The following EIF4EBP2 variants were observed in gnomAD, a reference collection of about 807,000 sequenced individuals.
EIF4EBP2 encodes the protein eukaryotic translation initiation factor 4E binding protein 2.
In EIF4EBP2, 5 loss-of-function variants were observed where a neutral mutation model predicts 10.3. The ratio of observed to expected loss-of-function variants is 0.48; its 90% CI spans 0.25 to 1.02. The LOEUF is 1.02. Ranked by LOEUF, EIF4EBP2 falls within the 50% of genes least tolerant of loss-of-function variation. The pLI is 0.15. For missense variants in EIF4EBP2, 188 were observed against 162.2 expected (o/e 1.16, Z -0.86); for synonymous variants, 67 against 61.1 (o/e 1.10, Z -0.45).
At chr10:70,410,812 T>C (rs1024765424) in intron 1 of EIF4EBP2, among the ~76,000 whole-genome samples, 1 of 152,238 alleles carries the variant, frequency 6.6e-6, no homozygotes, top group African/African-American at 2.4e-5. Flanking sequence ...GTTTCTCATC[T>C]TTTGGTGGGC....
In EIF4EBP2 at chr10:70,404,259, G is replaced by C. The variant is rs1844944252; in HGVS notation, c.-143G>C. 2.8e-6 allele frequency: 3 copies of C among 1,084,982 alleles called. No individual in the cohort carries two copies. Among genetic ancestry groups the C allele is most frequent in the Non-Finnish European group, 3.7e-6 (3 of 820,454 alleles). The allele number at this position is 1,084,982 out of a possible 1,614,324, so 67.2% of individuals were successfully genotyped here. A position where few individuals can be genotyped will look rare whatever the true frequency, so the allele number is the denominator to read the frequency against. On this transcript the variant is annotated 5_prime_UTR_variant, in exon 1 of 3. Coordinates refer to ENST00000373218, the MANE Select transcript of EIF4EBP2 (RefSeq NM_004096.5). ...GGCGGCTGAGAGGGCGGCGGCGGGA[G>C]CGGAGCGGGACGAGGGAACGGGAGG... is the stretch of plus-strand genomic sequence containing the variant.
At chr10:70,404,697 CCTTTA>C (rs1248387270) in intron 1 of EIF4EBP2, 151 bp downstream of exon 1, 10 of 1,075,498 alleles carry the variant, frequency 9.3e-6, no homozygotes, top group Admixed American at 4.0e-5. Context: ...CGTTCGGGAC[CCTTTA>C]CTTCGTGTTC....
At chr10:70,420,791 C>CTTTTG (rs759923596) in intron 2 of EIF4EBP2, among the ~76,000 whole-genome samples, 3 of 151,968 alleles carry the variant, frequency 2.0e-5, no homozygotes, top group Non-Finnish European at 2.9e-5. Context: ...GACCTTGTTT[C>CTTTTG]TTTTGTTTTG....
Position 70,404,270 on chromosome 10 carries a change from C to A in EIF4EBP2, c.-132C>A. 4.2e-6 allele frequency: 5 copies of A among 1,192,214 alleles called. No homozygotes were observed. In the South Asian group the frequency reaches 7.2e-5, roughly 17 times the overall value. 73.9% of individuals were successfully genotyped at this position (1,192,214 alleles called of 1,614,324 possible). A position where few individuals can be genotyped will look rare whatever the true frequency, so the allele number is the denominator to read the frequency against. On this transcript the variant is annotated 5_prime_UTR_variant, in exon 1 of 3. Coordinates refer to ENST00000373218, the MANE Select transcript of EIF4EBP2 (RefSeq NM_004096.5). ...GGGCGGCGGCGGGAGCGGAGCGGGA[C>A]GAGGGAACGGGAGGAAGCGAGCGAG... is the stretch of plus-strand genomic sequence containing the variant.
At chr10:70,420,818 G>A (rs373986310) in intron 2 of EIF4EBP2, among the ~76,000 whole-genome samples, 6 of 152,066 alleles carry the variant, frequency 3.9e-5, no homozygotes, top group East Asian at 1.9e-4. Context: ...TTTTTGAGAC[G>A]GAGTCTTGCT....
chr10:70,408,461 G>A (rs1845007150), intron 1 of EIF4EBP2, among the ~76,000 whole-genome samples: 3 of 152,226 alleles, frequency 2.0e-5, no homozygotes, highest in Admixed American at 6.5e-5. Flanking sequence ...ATCTTTATAA[G>A]GACATGGTGC....
chr10:70,411,435 A>C (rs1341388814), intron 1 of EIF4EBP2, among the ~76,000 whole-genome samples: 1 of 152,064 alleles, frequency 6.6e-6, no homozygotes, highest in Non-Finnish European at 1.5e-5. Flanking sequence ...GAAAGCAACA[A>C]AGTTGTAAAA....
At position 70,404,449 on chromosome 10, in the gene EIF4EBP2, C is replaced by T. The variant is rs1159895391; in HGVS notation, c.48C>T (p.Ala16=). 1.9e-6 allele frequency: 3 copies of T among 1,596,176 alleles called. No homozygotes were observed. The highest frequency in any genetic ancestry group is 2.6e-6 in the Non-Finnish European group (3 of 1,174,020). Reference sequence around the variant, plus strand: ...GCCACCAGCCCAGCCAGAGCCGCGCCATCCCCACCCGCACCGTGGCCATCA... The same window carrying T: ...GCCACCAGCCCAGCCAGAGCCGCGCTATCCCCACCCGCACCGTGGCCATCA... ...GSGHQPSQSR[A]IPTRTVAISD... Residue 16 remains alanine, a synonymous_variant, in exon 1 of 3, where the codon GCC becomes GCT. Transcript: ENST00000373218.
In EIF4EBP2 at chr10:70,404,561, G is replaced by C; in HGVS notation, c.145+15G>C. On this transcript the variant is annotated intron_variant, in intron 1 of 2. Coordinates refer to ENST00000373218, the MANE Select transcript of EIF4EBP2 (RefSeq NM_004096.5). The stretch of plus-strand genomic sequence containing the variant: ...CACACCGGGAGGTGAGCGCCGGCCA[G>C]CCGTCCGCCGCGCCCGGTGTCCCGC... 1.3e-6 allele frequency: 2 copies of C among 1,527,612 alleles called. No homozygotes were observed. The highest frequency in any genetic ancestry group is 2.9e-5 in the African/African-American group (2 of 69,320). The allele number at this position is 1,527,612 out of a possible 1,614,324, so 94.6% of individuals were successfully genotyped here.
intron 1 of EIF4EBP2, among the ~76,000 whole-genome samples, chr10:70,408,025 C>T (rs1422958086): frequency 3.2e-4 from 10 of 31,532 alleles, no homozygotes; most frequent in East Asian, 1.1e-3. Context: ...GCTGGCCGGG[C>T]GGGGGGCTGA....
rs951308911 is a variant in EIF4EBP2, at chr10:70,425,791, C to G, written c.*4044C>G. 1 of 152,168 alleles carries G rather than the reference C, an allele frequency of 6.6e-6. No homozygotes were observed. The highest frequency in any genetic ancestry group is 1.5e-5 in the Non-Finnish European group (1 of 68,050). 9.4% of individuals were successfully genotyped at this position (152,168 alleles called of 1,614,324 possible). A position where few individuals can be genotyped will look rare whatever the true frequency, so the allele number is the denominator to read the frequency against. On this transcript the variant is annotated 3_prime_UTR_variant, in exon 3 of 3. Coordinates refer to ENST00000373218, the MANE Select transcript of EIF4EBP2 (RefSeq NM_004096.5). ...CTGTCTTATTTGGAATGGGGATTGT[C>G]CAGCAAAGGGAGCAAACATGAATTA...
chr10:70,406,556 C>A (rs982013571), intron 1 of EIF4EBP2, among the ~76,000 whole-genome samples: 1 of 150,744 alleles, frequency 6.6e-6, no homozygotes, highest in Non-Finnish European at 1.5e-5. Flanking sequence ...AGGGAAGAGC[C>A]ACCTAGACAC....
chr10:70,412,190 A>G (rs1417314001), intron 1 of EIF4EBP2, among the ~76,000 whole-genome samples: 3 of 152,132 alleles, frequency 2.0e-5, no homozygotes, highest in Non-Finnish European at 4.4e-5. Flanking sequence ...AAGTCCCAGG[A>G]GGAAAGCCCT....
At chr10:70,405,148 G>C (rs1200279034) in intron 1 of EIF4EBP2, among the ~76,000 whole-genome samples, 1 of 152,242 alleles carries the variant, frequency 6.6e-6, no homozygotes, top group African/African-American at 2.4e-5. Context: ...GGAGGAGAGC[G>C]TGATAAAATA....
intron 1 of EIF4EBP2, among the ~76,000 whole-genome samples, chr10:70,413,255 C>T (rs139794780): frequency 2.8e-4 from 42 of 152,250 alleles, no homozygotes; most frequent in African/African-American, 9.9e-4. Flanking sequence ...CTTTAGCTCT[C>T]CACTGTATAA....
rs4746035 is a variant in EIF4EBP2 at position 70,422,274 on chromosome 10, A to T, written c.*527A>T. ...TCTTTAAAACCAGCAGGGGGAAATG[A>T]TAAAAAGAGAGCTGCTTTCCCTTTT... On this transcript the variant is annotated 3_prime_UTR_variant, in exon 3 of 3. Coordinates refer to ENST00000373218, the MANE Select transcript of EIF4EBP2 (RefSeq NM_004096.5). The T allele has an allele frequency of 6.5e-6, 1 of 152,816 alleles. No individual in the cohort carries two copies. Among genetic ancestry groups the T allele is most frequent in the African/African-American group, 2.4e-5 (1 of 41,436 alleles). 9.5% of individuals were successfully genotyped at this position (152,816 alleles called of 1,614,324 possible). A position where few individuals can be genotyped will look rare whatever the true frequency, so the allele number is the denominator to read the frequency against.
intron 1 of EIF4EBP2, among the ~76,000 whole-genome samples, chr10:70,407,851 G>C (rs1466159829): frequency 7.2e-6 from 1 of 138,378 alleles, no homozygotes; most frequent in Non-Finnish European, 1.6e-5. Flanking sequence ...CTGGCCGGGC[G>C]GGGGGCTGAC....
At position 70,425,190 on chromosome 10, in the gene EIF4EBP2, C is replaced by T. The variant is rs1051301363; in HGVS notation, c.*3443C>T. On this transcript the variant is annotated 3_prime_UTR_variant, in exon 3 of 3. Coordinates refer to ENST00000373218, the MANE Select transcript of EIF4EBP2 (RefSeq NM_004096.5). ...GCGTAGGGCAGCATGAGTGTCCTCA[C>T]ACCATGACACCTGGCTTCTCCCTGA... The T allele has an allele frequency of 4.6e-5, 7 of 152,252 alleles. No homozygotes were observed. The highest frequency in any genetic ancestry group is 1.7e-4 in the African/African-American group (7 of 41,474). The allele number at this position is 152,252 out of a possible 1,614,324, so 9.4% of individuals were successfully genotyped here. A position where few individuals can be genotyped will look rare whatever the true frequency, so the allele number is the denominator to read the frequency against.
At chr10:70,404,687 C>T in intron 1 of EIF4EBP2, 141 bp downstream of exon 1, 1 of 1,139,534 alleles carries the variant, frequency 8.8e-7, no homozygotes, top group Non-Finnish European at 1.2e-6. Flanking sequence ...CCCGCCCGAG[C>T]GTTCGGGACC....
Sources: gnomAD v4.1 joint callset for allele counts (sites outside exome capture counted in the v4.1 genomes callset) on GRCh38, gnomAD v4.1.1 for gene constraint, MANE v1.5 for transcripts, NCBI Gene and HGNC (gene_info 2026-07-23, HGNC 2026-07-21) for gene names.